Variants in KIF26B observed in about 807,000 individuals in gnomAD.
KIF26B encodes kinesin-like protein KIF26B.
A neutral mutation model predicts 151.2 loss-of-function variants in KIF26B; 63 were observed. That is an observed-to-expected ratio of 0.42 (90% CI 0.34 to 0.51). KIF26B has a LOEUF of 0.51. Ranked by LOEUF, KIF26B falls within the 20% of genes least tolerant of loss-of-function variation. The pLI is 0.07. For synonymous variants in KIF26B, 1,357 were observed against 1,262.1 expected (o/e 1.08, Z -1.59); for missense variants, 2,813 against 2,913.6 (o/e 0.97, Z 0.79).
chr1:245,389,992 T>C (rs191380765), intron 3 of KIF26B, among the ~76,000 whole-genome samples: 1 of 152,302 alleles, frequency 6.6e-6, no homozygotes, highest in Admixed American at 6.5e-5. Flanking sequence ...GTTTATGAGA[T>C]CGAAACTATT....
chr1:245,593,480 G>A lies in KIF26B; in HGVS notation c.1351-9097G>A, dbSNP rs532715051. Among the ~76,000 whole-genome samples, 135 of 152,232 alleles carry A rather than the reference G, an allele frequency of 8.9e-4. 1 individual carries two copies. Among genetic ancestry groups the A allele is most frequent in the African/African-American group, 3.1e-3 (128 of 41,530 alleles). On this transcript the variant is annotated intron_variant, in intron 5 of 14. Transcript: ENST00000407071. ...AATGATGGTTTCCTGCTTCATCCAT[G>A]TCCCTGCAAAGGACATGAACTCATC...
chr1:245,517,833 T>C (rs962482824), intron 4 of KIF26B, among the ~76,000 whole-genome samples: 29 of 151,516 alleles, frequency 1.9e-4, no homozygotes, highest in African/African-American at 7.0e-4. Context: ...ATTCTCTGTG[T>C]ATGCACAGGA....
chr1:245,441,866 C>A (rs72761186), intron 4 of KIF26B, among the ~76,000 whole-genome samples: 3 of 152,062 alleles, frequency 2.0e-5, no homozygotes, highest in Non-Finnish European at 4.4e-5. Context: ...TCTTCTCATG[C>A]GGTTATGATA....
chr1:245,520,114 T>TGAGAGAGAGAGAGAGAGAGAGAGA (rs10650644), intron 4 of KIF26B, among the ~76,000 whole-genome samples: 24 of 132,522 alleles, frequency 1.8e-4, no homozygotes, highest in African/African-American at 5.8e-4. Flanking sequence ...CTCAACTAAC[T>TGAGAGAGAGAGAGAGAGAGAGAGA]GAGAGAGAGA....
intron 2 of KIF26B, among the ~76,000 whole-genome samples, chr1:245,232,200 G>A (rs1440111566): frequency 5.9e-5 from 9 of 152,210 alleles, no homozygotes; most frequent in Non-Finnish European, 1.2e-4. Flanking sequence ...AAGAAATTAG[G>A]ATATGGCTTT....
chr1:245,446,756 G>T (rs762650721), intron 4 of KIF26B, among the ~76,000 whole-genome samples: 1 of 152,104 alleles, frequency 6.6e-6, no homozygotes, highest in African/African-American at 2.4e-5. Flanking sequence ...CCTGGTGGAG[G>T]GGTCTGATAC....
intron 5 of KIF26B, among the ~76,000 whole-genome samples, chr1:245,548,750 T>C (rs1356416826): frequency 6.8e-6 from 1 of 147,680 alleles, no homozygotes; most frequent in Non-Finnish European, 1.5e-5. Flanking sequence ...TGCAACTTTT[T>C]TTTTTTTTTA....
rs1046072347 is a variant in KIF26B at position 245,536,484 on chromosome 1, C to T, written c.1167-4283C>T. On this transcript the variant is annotated intron_variant, in intron 4 of 14. Transcript: ENST00000407071. ...ACCAAGTAAAGCATCTGCTATGTTACAAGATAATAGGTGTCATGGTTGTGA... is the reference window on the plus strand; with the variant it reads ...ACCAAGTAAAGCATCTGCTATGTTATAAGATAATAGGTGTCATGGTTGTGA... 2.6e-5 allele frequency among the ~76,000 whole-genome samples: 4 copies of T among 152,212 alleles called. No individual in the cohort carries two copies. In the South Asian group the frequency reaches 8.3e-4, roughly 32 times the overall value.
Position 245,175,953 on chromosome 1 carries a change from T to C in KIF26B, c.465+19270T>C, listed in dbSNP as rs576574289. ...ATTTAGATGTCTATATATATAGATATCTATATCTATATATATAGACATCTA... is the reference window on the plus strand; with the variant it reads ...ATTTAGATGTCTATATATATAGATACCTATATCTATATATATAGACATCTA... On this transcript the variant is annotated intron_variant, in intron 2 of 14. Coordinates refer to ENST00000407071, the MANE Select transcript of KIF26B (RefSeq NM_018012.4). Among the ~76,000 whole-genome samples, 15 of 146,542 alleles carry C rather than the reference T, an allele frequency of 1.0e-4. No individual in the cohort carries two copies. In the East Asian group the frequency reaches 2.6e-3, roughly 26 times the overall value.
intron 9 of KIF26B, among the ~76,000 whole-genome samples, chr1:245,632,564 G>A (rs1407447093): frequency 6.6e-6 from 1 of 152,168 alleles, no homozygotes; most frequent in Non-Finnish European, 1.5e-5. Context: ...TAAGTTCAAT[G>A]TTTCTTTATT....
At position 245,164,890 on chromosome 1, in the gene KIF26B, T is replaced by A. The variant is rs201215613; in HGVS notation, c.465+8207T>A. ...GAGTTCGAGACCAGCCTGGCCAACA[T>A]GGTGAAACCCCGTCTCTACTAAAAA... On this transcript the variant is annotated intron_variant, in intron 2 of 14. Transcript: ENST00000407071. Among the ~76,000 whole-genome samples the A allele has an allele frequency of 1.1e-4, 16 of 151,954 alleles. No homozygotes were observed. In the East Asian group the frequency reaches 1.8e-3, roughly 17 times the overall value.
chr1:245,184,057 T>TTTTTTTTTTTTTTTTTTTTTTTTA (rs1558337197), intron 2 of KIF26B, among the ~76,000 whole-genome samples: 1 of 97,096 alleles, frequency 1.0e-5, no homozygotes, highest in African/African-American at 3.8e-5. Flanking sequence ...GTTGTTTTTT[T>TTTTTTTTTTTTTTTTTTTTTTTTA]TTTTTTTTTT....
At position 245,399,559 on chromosome 1, in the gene KIF26B, G is replaced by A. The variant is rs571555242; in HGVS notation, c.1000-20020G>A. Among the ~76,000 whole-genome samples the A allele has an allele frequency of 6.4e-4, 98 of 152,198 alleles. No individual in the cohort carries two copies. The Middle Eastern group carries it at 0.02, about 32-fold the overall frequency. ...AGAAAGGATCATTTTGAGAATCTTC[G>A]TTTCATATCAAGACAACACACTCTT... On this transcript the variant is annotated intron_variant, in intron 3 of 14. Coordinates refer to ENST00000407071, the MANE Select transcript of KIF26B (RefSeq NM_018012.4).
At chr1:245,322,363 A>G (rs1558388430) in intron 2 of KIF26B, among the ~76,000 whole-genome samples, 1 of 152,200 alleles carries the variant, frequency 6.6e-6, no homozygotes, top group Non-Finnish European at 1.5e-5. Flanking sequence ...TGTTCTGCAC[A>G]TGTATCTGAG....
chr1:245,660,897 C>T (rs2147932520), intron 10 of KIF26B, among the ~76,000 whole-genome samples: 1 of 152,134 alleles, frequency 6.6e-6, no homozygotes, highest in Non-Finnish European at 1.5e-5. Context: ...CTCACTGCAG[C>T]CTTGACCTGC....
intron 14 of KIF26B, among the ~76,000 whole-genome samples, chr1:245,699,637 C>G (rs1352510607): frequency 6.6e-6 from 1 of 152,078 alleles, no homozygotes; most frequent in Non-Finnish European, 1.5e-5. Flanking sequence ...AGTTCCTGAC[C>G]ATTCCATTTA....
At position 245,686,377 on chromosome 1, in the gene KIF26B, A is replaced by G; in HGVS notation, c.3394A>G (p.Ser1132Gly). Reference protein sequence around the residue: ...PEVRTPPVGMSPQVLKKSMSA... With the variant: ...PEVRTPPVGMGPQVLKKSMSA... ...GGTGCGTACGCCCCCGGTTGGAATG[A>G]GCCCCCAGGTTTTGAAAAAATCCAT... Residue 1132 changes from serine to glycine, a missense_variant, in exon 12 of 15, where the codon AGC becomes GGC. Coordinates refer to ENST00000407071, the MANE Select transcript of KIF26B (RefSeq NM_018012.4). The surrounding 1 kb of genome is among the most constrained non-coding windows in gnomAD (Gnocchi z 5.6). 4 of 1,613,388 alleles carry G rather than the reference A, an allele frequency of 2.5e-6. No homozygotes were observed. The highest frequency in any genetic ancestry group is 3.4e-6 in the Non-Finnish European group (4 of 1,179,876).
chr1:245,461,304 CT>C lies in KIF26B; in HGVS notation c.1166+41570del, dbSNP rs796322018. On this transcript the variant is annotated intron_variant, in intron 4 of 14. Coordinates refer to ENST00000407071, the MANE Select transcript of KIF26B (RefSeq NM_018012.4). ...TCAGCTCAGTTTTCCCAATTTTTAT[CT>C]TTTTTTTTTTCAGGGTCTCTCTCTG... 2.3e-3 allele frequency among the ~76,000 whole-genome samples: 342 copies of C among 147,978 alleles called. 1 individual carries two copies. Among genetic ancestry groups the C allele is most frequent in the African/African-American group, 6.5e-3 (265 of 40,554 alleles).
chr1:245,411,478 C>CATT (rs1428135701), intron 3 of KIF26B, among the ~76,000 whole-genome samples: 2 of 152,310 alleles, frequency 1.3e-5, no homozygotes, highest in East Asian at 1.9e-4. Flanking sequence ...CTCAGTGAGT[C>CATT]ATTTCATCTG....
Sources: gnomAD v4.1 joint callset for allele counts (sites outside exome capture counted in the v4.1 genomes callset) on GRCh38, gnomAD v4.1.1 for gene constraint, Gnocchi (gnomAD v3.1) non-coding constraint, MANE v1.5 for transcripts, NCBI Gene and HGNC (gene_info 2026-07-23, HGNC 2026-07-21) for gene names.